LHX4: variants seen among roughly 807,000 people sequenced by gnomAD.
LHX4 encodes the protein LIM homeobox 4, also known as LIM/homeobox protein Lhx4.
Under a neutral mutation model 39.2 loss-of-function variants are expected in LHX4, and 16 were observed. The observed-to-expected ratio is 0.41, with a 90% CI of 0.28 to 0.62. The LOEUF is 0.62. LHX4 is among the 20% of genes least tolerant of loss of function. The pLI is 0.33. For synonymous variants in LHX4, 206 were observed against 198.1 expected, an observed-to-expected ratio of 1.04 and a Z score of -0.33; for missense variants, 439 against 511.9, an observed-to-expected ratio of 0.86 and a Z score of 1.37.
rs1468239561 is a variant in LHX4, at chr1:180,278,103, C to CACTT, written c.*3525_*3528dup. Reference sequence around the variant, plus strand: ...TATGACAGTCCACTCTCTGCACCTACACTTCCACGTGCCACGACTGACAAC... The same window carrying CACTT: ...TATGACAGTCCACTCTCTGCACCTACACTTACTTCCACGTGCCACGACTGACAAC... On this transcript the variant is annotated 3_prime_UTR_variant, in exon 6 of 6. Transcript: ENST00000263726. 2.0e-5 allele frequency: 3 copies of CACTT among 152,232 alleles called. No individual in the cohort carries two copies. Among genetic ancestry groups the CACTT allele is most frequent in the Admixed American group, 2.0e-4 (3 of 15,288 alleles). 9.4% of individuals were successfully genotyped at this position (152,232 alleles called of 1,614,324 possible).
upstream of LHX4, among the ~76,000 whole-genome samples, chr1:180,229,970 G>GGGGGGGA (rs1664131969): frequency 6.9e-6 from 1 of 143,990 alleles, no homozygotes; most frequent in African/African-American, 2.6e-5. Flanking sequence ...GGGGAGGGGG[G>GGGGGGGA]GGGGGTGCCG....
In LHX4 at chr1:180,274,523, G is replaced by A. The variant is rs531170670; in HGVS notation, c.1117G>A (p.Asp373Asn). The part of the protein sequence containing the change: ...ISTGSSVGYP[D>N]FPTSPGSWLD... The stretch of plus-strand genomic sequence containing the variant: ...CACAGGAAGCAGTGTAGGCTATCCC[G>A]ACTTTCCAACTAGCCCAGGCTCTTG... Residue 373 changes from aspartate (D) to asparagine (N), a missense_variant, in exon 6 of 6, where the codon GAC becomes AAC. By Grantham distance (23) the Asp-to-Asn change is conservative. Transcript: ENST00000263726. 40 of 1,606,754 alleles carry A rather than the reference G, an allele frequency of 2.5e-5. No individual in the cohort carries two copies. Among genetic ancestry groups the A allele is most frequent in the East Asian group, 2.2e-4 (10 of 44,736 alleles).
intron 1 of LHX4, among the ~76,000 whole-genome samples, chr1:180,239,955 G>A (rs12072748): frequency 0.056 from 8,487 of 152,208 alleles, 819 homozygotes; most frequent in African/African-American, 0.19. Flanking sequence ...AGGGAGACCC[G>A]GAAGTGGCTC....
At chr1:180,248,610 G>A in intron 2 of LHX4, 154 bp downstream of exon 2, 2 of 786,836 alleles carry the variant, frequency 2.5e-6, no homozygotes, top group Non-Finnish European at 4.3e-6. Flanking sequence ...GCCCCTTGTT[G>A]AGGTCCCCCT....
chr1:180,260,637 T>G (rs1481634099), intron 2 of LHX4, among the ~76,000 whole-genome samples: 1 of 151,752 alleles, frequency 6.6e-6, no homozygotes, highest in Non-Finnish European at 1.5e-5. Context: ...CCGGAGGATG[T>G]GGAAGGTGGA....
rs1300621730 is a variant in LHX4, at chr1:180,277,765, A to T, written c.*3186A>T. On this transcript the variant is annotated 3_prime_UTR_variant, in exon 6 of 6. Transcript: ENST00000263726. Reference sequence around the variant, plus strand: ...GTTATGAATATAACGTAAAATAAAGATCAACTATCATTGATAACACTGTTC... The same window carrying T: ...GTTATGAATATAACGTAAAATAAAGTTCAACTATCATTGATAACACTGTTC... The T allele has an allele frequency of 6.6e-6, 1 of 152,164 alleles. No homozygotes were observed. Among genetic ancestry groups the T allele is most frequent in the Non-Finnish European group, 1.5e-5 (1 of 68,050 alleles). The allele number at this position is 152,164 out of a possible 1,614,324, so 9.4% of individuals were successfully genotyped here.
chr1:180,254,224 G>A lies in LHX4; in HGVS notation c.248+5768G>A, dbSNP rs533627170. On this transcript the variant is annotated intron_variant, in intron 2 of 5. Transcript: ENST00000263726. ...AGGAGGTTCCTGTCTAAAACGTCAT[G>A]CTTCTCAGGGGTCTCCCTGCCCCTG... Among the ~76,000 whole-genome samples, 12 of 152,304 alleles carry A rather than the reference G, an allele frequency of 7.9e-5. No individual in the cohort carries two copies. The South Asian group carries it at 1.9e-3, about 24-fold the overall frequency.
intron 1 of LHX4, among the ~76,000 whole-genome samples, chr1:180,233,352 C>T (rs369837355): frequency 9.4e-4 from 143 of 152,326 alleles, no homozygotes; most frequent in African/African-American, 3.4e-3. Context: ...GCGCGGCCCC[C>T]GGTGCGGGCC....
chr1:180,239,496 G>A (rs1054712008), intron 1 of LHX4, among the ~76,000 whole-genome samples: 30 of 152,172 alleles, frequency 2.0e-4, no homozygotes, highest in African/African-American at 7.2e-4. Context: ...AAAATTAAAC[G>A]TTTTTGGAAA....
At chr1:180,242,334 C>A (rs1016360847) in intron 1 of LHX4, among the ~76,000 whole-genome samples, 1 of 152,074 alleles carries the variant, frequency 6.6e-6, no homozygotes, top group Non-Finnish European at 1.5e-5. Context: ...TTTGTCTGTA[C>A]ATGTGACTGG....
rs1648307661 is a variant in LHX4 at position 180,266,265 on chromosome 1, G to C, written c.249-127G>C. On this transcript the variant is annotated intron_variant, in intron 2 of 5. Coordinates refer to ENST00000263726, the MANE Select transcript of LHX4 (RefSeq NM_033343.4). This position sits in a 1 kb window ranked among gnomAD's most constrained non-coding sequence, Gnocchi z 5.7. ...GAGAGGACCAGACGGTAAGCTCTGG[G>C]TGACTGGGGGGTGAGGCTCATGGAG... 2.1e-5 allele frequency: 18 copies of C among 865,736 alleles called. 1 individual carries two copies. Among genetic ancestry groups the C allele is most frequent in the South Asian group, 8.3e-5 (6 of 72,376 alleles). 53.6% of individuals were successfully genotyped at this position (865,736 alleles called of 1,614,324 possible).
chr1:180,261,055 A>G (rs1171719001), intron 2 of LHX4, among the ~76,000 whole-genome samples: 1 of 151,898 alleles, frequency 6.6e-6, no homozygotes, highest in East Asian at 1.9e-4. Context: ...GTGGTTTAGT[A>G]AACCATGGGC....
intron 3 of LHX4, 158 bp from the exon 4 acceptor site, chr1:180,271,222 A>G (rs961908768): frequency 4.1e-5 from 32 of 784,710 alleles, no homozygotes; most frequent in Admixed American, 1.9e-4. Flanking sequence ...CAGTGCCATG[A>G]GAGTGGGGAC....
chr1:180,274,137 AT>A (rs1648872851), intron 5 of LHX4, 47 bp from the exon 6 acceptor site: 2 of 1,612,336 alleles, frequency 1.2e-6, no homozygotes, highest in East Asian at 4.5e-5. Flanking sequence ...GCAGGGGACC[AT>A]CAGAGTCCTG....
chr1:180,248,222 C>A, intron 1 of LHX4, 63 bp from the exon 2 acceptor site: 1 of 1,567,128 alleles, frequency 6.4e-7, no homozygotes, highest in Non-Finnish European at 8.7e-7. Context: ...CCCGCCAGGG[C>A]CTGGCCTGGT....
In LHX4 at chr1:180,274,208, G is replaced by T; in HGVS notation, c.802G>T (p.Gly268Cys). The T allele has an allele frequency of 6.2e-7, 1 of 1,614,146 alleles. No homozygotes were observed. Among genetic ancestry groups the T allele is most frequent in the South Asian group, 1.1e-5 (1 of 91,080 alleles). The change falls in exon 6 of 6, where the codon GGC (glycine) becomes TGC (cysteine). Residue 268 changes from glycine to cysteine, a missense_variant. By Grantham distance (159) the Gly-to-Cys change is radical. Coordinates refer to ENST00000263726, the MANE Select transcript of LHX4 (RefSeq NM_033343.4). ...AGAGGATCAAATTCTCTCAGAACTT[G>T]GCCACACCAATAGGATTTATGGCAA... ...FREDQILSEL[G>C]HTNRIYGNVG... is the part of the protein sequence containing the mutation.
chr1:180,258,892 G>A (rs760417542), intron 2 of LHX4, among the ~76,000 whole-genome samples: 3 of 152,030 alleles, frequency 2.0e-5, no homozygotes, highest in African/African-American at 2.4e-5. Flanking sequence ...ATCAGATGGG[G>A]ACGGATGCCC....
In LHX4 at chr1:180,276,076, G is replaced by C. The variant is rs1649009346; in HGVS notation, c.*1497G>C. 1.2e-5 allele frequency: 1 copy of C among 80,686 alleles called. No homozygotes were observed. Among genetic ancestry groups the C allele is most frequent in the Non-Finnish European group, 2.4e-5 (1 of 41,574 alleles). The allele number at this position is 80,686 out of a possible 1,614,324, so 5.0% of individuals were successfully genotyped here. The stretch of plus-strand genomic sequence containing the variant: ...ATTTAGCCAGCTGGAATTTATTCCT[G>C]TCCCTCTGGGAAGCTGTGTTTGCTT... On this transcript the variant is annotated 3_prime_UTR_variant, in exon 6 of 6. Coordinates refer to ENST00000263726, the MANE Select transcript of LHX4 (RefSeq NM_033343.4).
chr1:180,266,618 T>C lies in LHX4; in HGVS notation c.451+24T>C. On this transcript the variant is annotated intron_variant, in intron 3 of 5. Transcript: ENST00000263726. This position sits in a 1 kb window ranked among gnomAD's most constrained non-coding sequence, Gnocchi z 5.7. ...CGGTAAGCAGCATGGCCCCGCATGG[T>C]CCCCTCTCCAGGCCTTTGTTTGGGC... 2 of 1,610,172 alleles carry C rather than the reference T, an allele frequency of 1.2e-6. No homozygotes were observed. The highest frequency in any genetic ancestry group is 1.7e-6 in the Non-Finnish European group (2 of 1,177,534).
Sources: gnomAD v4.1 joint callset for allele counts (sites outside exome capture counted in the v4.1 genomes callset) on GRCh38, gnomAD v4.1.1 for gene constraint, Gnocchi (gnomAD v3.1) non-coding constraint, MANE v1.5 for transcripts, NCBI Gene and HGNC (gene_info 2026-07-23, HGNC 2026-07-21) for gene names.